The following GLS variants were observed in gnomAD, a reference collection of about 807,000 sequenced individuals.
GLS encodes the protein glutaminase.
A neutral mutation model predicts 86.7 loss-of-function variants in GLS; 36 were observed. The ratio of observed to expected loss-of-function variants is 0.42; its 90% CI spans 0.32 to 0.55. The LOEUF is 0.55. GLS is among the 20% of genes least tolerant of loss of function. The probability of loss-of-function intolerance (pLI) is 0.17; values close to 1 mark genes in which losing one functional copy is unlikely to be tolerated. For synonymous variants in GLS, 317 were observed against 305.9 expected, an observed-to-expected ratio of 1.04 and a Z score of -0.38; for missense variants, 528 against 833.4, an observed-to-expected ratio of 0.63 and a Z score of 4.51.
At chr2:190,942,785 CAT>C (rs762183720) in intron 14 of GLS, among the ~76,000 whole-genome samples, 2 of 152,104 alleles carry the variant, frequency 1.3e-5, no homozygotes, top group Non-Finnish European at 2.9e-5. Context: ...GTGCTTTAAA[CAT>C]ATGGGGGTTA....
At chr2:190,902,466 A>G (rs949756062) in intron 5 of GLS, among the ~76,000 whole-genome samples, 1 of 152,208 alleles carries the variant, frequency 6.6e-6, no homozygotes, top group Non-Finnish European at 1.5e-5. Flanking sequence ...AACGTATCCC[A>G]AAGTTAAAAG....
intron 14 of GLS, among the ~76,000 whole-genome samples, chr2:190,952,860 C>A (rs925018550): frequency 1.3e-5 from 2 of 152,168 alleles, no homozygotes; most frequent in Admixed American, 6.5e-5. Context: ...TTTCAAATAA[C>A]TAGACTTTTC....
At chr2:190,898,173 T>G (rs888381619) in intron 3 of GLS, among the ~76,000 whole-genome samples, 9 of 152,226 alleles carry the variant, frequency 5.9e-5, no homozygotes, top group Admixed American at 4.6e-4. Flanking sequence ...GCCTTTCATT[T>G]GTATGTTTGA....
chr2:190,940,717 C>T (rs985605559), intron 14 of GLS, among the ~76,000 whole-genome samples: 1 of 151,506 alleles, frequency 6.6e-6, no homozygotes, highest in East Asian at 1.9e-4. Context: ...TATTTTCAAT[C>T]CCTGTTTTAC....
rs578050820 is a variant in GLS, at chr2:190,955,126, T to TA, written c.1853+318dup. On this transcript the variant is annotated intron_variant, in intron 17 of 17. Coordinates refer to ENST00000320717, the MANE Select transcript of GLS (RefSeq NM_014905.5). This position sits in a 1 kb window ranked among gnomAD's most constrained non-coding sequence, Gnocchi z 5.6. Reference sequence around the variant, plus strand: ...ATTGGAATTTTATCCTCATGGATTTTAAAAAAAAAATTTTTAAATTACACT... The same window carrying TA: ...ATTGGAATTTTATCCTCATGGATTTTAAAAAAAAAAATTTTTAAATTACACT... Among the ~76,000 whole-genome samples the TA allele has an allele frequency of 6.0e-5, 9 of 150,930 alleles. No individual in the cohort carries two copies. Among genetic ancestry groups the TA allele is most frequent in the East Asian group, 1.9e-4 (1 of 5,136 alleles).
chr2:190,907,846 A>G (rs1183592355), intron 6 of GLS, among the ~76,000 whole-genome samples: 2 of 152,214 alleles, frequency 1.3e-5, no homozygotes, highest in South Asian at 2.1e-4. Context: ...TATTTCTAAT[A>G]CATAATGGGA....
chr2:190,948,679 G>A (rs1178970664), intron 14 of GLS, among the ~76,000 whole-genome samples: 2 of 152,184 alleles, frequency 1.3e-5, no homozygotes, highest in African/African-American at 2.4e-5. Context: ...TCTTAGTGGT[G>A]GGGGAAGTAA....
At chr2:190,910,058 A>G (rs1689304441) in intron 6 of GLS, among the ~76,000 whole-genome samples, 1 of 152,054 alleles carries the variant, frequency 6.6e-6, no homozygotes, top group Non-Finnish European at 1.5e-5. Context: ...AATCCCTTAT[A>G]ATTTTATTAT....
At position 190,880,921 on chromosome 2, in the gene GLS, C is replaced by CAGCAGCCG; in HGVS notation, c.-164_-163insAGCAGCCG. On this transcript the variant is annotated 5_prime_UTR_variant, in exon 1 of 18. Transcript: ENST00000320717. ...AGCAGCAGCAGCAGCAGCAGCAGCA[C>CAGCAGCCG]CCGCATCCGCTGCGGGAGTCCGAGC... 1 of 749,402 alleles carries CAGCAGCCG rather than the reference C, an allele frequency of 1.3e-6. No homozygotes were observed. Among genetic ancestry groups the CAGCAGCCG allele is most frequent in the East Asian group, 3.1e-5 (1 of 32,710 alleles). 46.4% of individuals were successfully genotyped at this position (749,402 alleles called of 1,614,324 possible). A position where few individuals can be genotyped will look rare whatever the true frequency, so the allele number is the denominator to read the frequency against.
chr2:190,954,687 T>G lies in GLS; in HGVS notation c.1789+27T>G, dbSNP rs369020242. 1.9e-6 allele frequency: 3 copies of G among 1,608,220 alleles called. No homozygotes were observed. The highest frequency in any genetic ancestry group is 2.6e-6 in the Non-Finnish European group (3 of 1,174,806). On this transcript the variant is annotated intron_variant, in intron 16 of 17. Coordinates refer to ENST00000320717, the MANE Select transcript of GLS (RefSeq NM_014905.5). This position sits in a 1 kb window ranked among gnomAD's most constrained non-coding sequence, Gnocchi z 4.0. ...TAATACAGGAACTACTCCTATCTAT[T>G]TTCTTTCCAGATTTAATTTCTACTT...
rs1034322163 is a variant in GLS, at chr2:190,943,215, T to C, written c.1651-10350T>C. On this transcript the variant is annotated intron_variant, in intron 14 of 17. Transcript: ENST00000320717. This position sits in a 1 kb window ranked among gnomAD's most constrained non-coding sequence, Gnocchi z 4.5. The stretch of plus-strand genomic sequence containing the variant: ...TAATGTTTGAGATATTTGTGAGATA[T>C]CTAAGTAGTGATGTTGAGTAAGCAG... Among the ~76,000 whole-genome samples, 1 of 152,192 alleles carries C rather than the reference T, an allele frequency of 6.6e-6. No individual in the cohort carries two copies. Among genetic ancestry groups the C allele is most frequent in the Non-Finnish European group, 1.5e-5 (1 of 68,028 alleles).
rs1046469103 is a variant in GLS, at chr2:190,895,362, A to G, written c.483+114A>G. 1.3e-5 allele frequency: 7 copies of G among 549,760 alleles called. No individual in the cohort carries two copies. The highest frequency in any genetic ancestry group is 3.3e-5 in the Admixed American group (1 of 30,636). The allele number at this position is 549,760 out of a possible 1,614,324, so 34.1% of individuals were successfully genotyped here. On this transcript the variant is annotated intron_variant, in intron 2 of 17. Transcript: ENST00000320717. The surrounding 1 kb of genome is among the most constrained non-coding windows in gnomAD (Gnocchi z 4.2). ...TCTGACATGTAGATTCTGACTGACAATATTTCTCTTATTATGTTTTCAAAT... is the reference window on the plus strand; with the variant it reads ...TCTGACATGTAGATTCTGACTGACAGTATTTCTCTTATTATGTTTTCAAAT...
chr2:190,937,840 GT>G (rs1197759246), intron 14 of GLS, among the ~76,000 whole-genome samples: 2,010 of 128,340 alleles, frequency 0.016, 13 homozygotes, highest in Admixed American at 0.039. Flanking sequence ...GAATCTGTGG[GT>G]TTTTTTTTTT....
chr2:190,911,080 A>C (rs1689343828), intron 7 of GLS, among the ~76,000 whole-genome samples: 2 of 150,798 alleles, frequency 1.3e-5, no homozygotes, highest in Admixed American at 1.3e-4. Context: ...TCTAATTATA[A>C]ATTTTATTTA....
chr2:190,942,332 G>A (rs943666052), intron 14 of GLS, among the ~76,000 whole-genome samples: 4 of 151,824 alleles, frequency 2.6e-5, no homozygotes, highest in South Asian at 2.1e-4. Flanking sequence ...CGCCCGCCTC[G>A]GTCTCCCAAA....
chr2:190,885,966 G>A (rs1366539065), intron 1 of GLS, among the ~76,000 whole-genome samples: 2 of 151,840 alleles, frequency 1.3e-5, no homozygotes, highest in African/African-American at 4.8e-5. Context: ...TCTGCCTCCT[G>A]GGTTCAAGTC....
intron 14 of GLS, among the ~76,000 whole-genome samples, chr2:190,939,565 A>G (rs1238729875): frequency 6.6e-6 from 1 of 151,734 alleles, no homozygotes; most frequent in African/African-American, 2.4e-5. Context: ...GTAAAATTCA[A>G]CTTTCAATTA....
intron 6 of GLS, among the ~76,000 whole-genome samples, chr2:190,906,207 T>C (rs1689130899): frequency 6.6e-6 from 1 of 152,160 alleles, no homozygotes; most frequent in Admixed American, 6.5e-5. Context: ...GACATCTAGA[T>C]TTAATATTGA....
At chr2:190,957,735 C>G (rs1440848782) in intron 17 of GLS, among the ~76,000 whole-genome samples, 2 of 152,174 alleles carry the variant, frequency 1.3e-5, no homozygotes. Flanking sequence ...GTTGAACCAG[C>G]CTTGCATCCC....
Sources: gnomAD v4.1 joint callset for allele counts (sites outside exome capture counted in the v4.1 genomes callset) on GRCh38, gnomAD v4.1.1 for gene constraint, Gnocchi (gnomAD v3.1) non-coding constraint, MANE v1.5 for transcripts, NCBI Gene and HGNC (gene_info 2026-07-23, HGNC 2026-07-21) for gene names.